Variants in ELAVL2 observed in about 807,000 individuals in gnomAD.
The protein encoded by ELAVL2 is ELAV-like protein 2.
In ELAVL2, 4 loss-of-function variants were observed where a neutral mutation model predicts 34.6. That is an observed-to-expected ratio of 0.12 (90% CI 0.06 to 0.26). ELAVL2 has a LOEUF of 0.26. Ranked by LOEUF, ELAVL2 falls within the 10% of genes least tolerant of loss-of-function variation. The pLI is 1.00. For missense variants in ELAVL2, 432 were observed against 442.8 expected (o/e 0.98, Z 0.22); for synonymous variants, 193 against 154.8 (o/e 1.25, Z -1.83).
At chr9:23,815,314 A>G (rs2063551303) in intron 1 of ELAVL2, among the ~76,000 whole-genome samples, 1 of 152,172 alleles carries the variant, frequency 6.6e-6, no homozygotes, top group Non-Finnish European at 1.5e-5. Flanking sequence ...TTTCAAGGAA[A>G]ATGCATTTTA....
At chr9:23,704,455 C>A in intron 4 of ELAVL2, among the ~76,000 whole-genome samples, 1 of 151,930 alleles carries the variant, frequency 6.6e-6, no homozygotes, top group East Asian at 1.9e-4. Flanking sequence ...TTACATATGC[C>A]CATACAGCAC....
At chr9:23,736,085 T>C (rs779930510) in intron 2 of ELAVL2, among the ~76,000 whole-genome samples, 2 of 152,194 alleles carry the variant, frequency 1.3e-5, no homozygotes, top group Admixed American at 6.5e-5. Flanking sequence ...ACCTGTTTCA[T>C]TCAAAGGTCA....
At chr9:23,786,478 GA>G (rs770268234) in intron 1 of ELAVL2, among the ~76,000 whole-genome samples, 17 of 151,854 alleles carry the variant, frequency 1.1e-4, no homozygotes, top group Non-Finnish European at 2.4e-4. Flanking sequence ...GAATAACAAT[GA>G]AACTTGAGGG....
intron 1 of ELAVL2, chr9:23,821,617 G>C (rs1486932997): frequency 6.6e-6 from 1 of 152,272 alleles, no homozygotes; most frequent in Non-Finnish European, 1.5e-5. Flanking sequence ...GCTGTGACTC[G>C]AAGCTGCAGC....
At chr9:23,770,465 TC>T (rs2057107144) in intron 1 of ELAVL2, among the ~76,000 whole-genome samples, 1 of 152,192 alleles carries the variant, frequency 6.6e-6, no homozygotes, top group South Asian at 2.1e-4. Context: ...AAGCTGCTAA[TC>T]AGCTCACCTT....
At chr9:23,697,915 T>C (rs1021597787) in intron 5 of ELAVL2, among the ~76,000 whole-genome samples, 1 of 152,018 alleles carries the variant, frequency 6.6e-6, no homozygotes, top group Non-Finnish European at 1.5e-5. Flanking sequence ...TTGGAAATTA[T>C]CTACAACAAG....
intron 1 of ELAVL2, among the ~76,000 whole-genome samples, chr9:23,776,739 CAAAAAAAAAAA>C (rs34583759): frequency 2.6e-5 from 2 of 77,714 alleles, no homozygotes; most frequent in Admixed American, 1.3e-4. Flanking sequence ...AGTTTGCTAT[CAAAAAAAAAAA>C]AAAAAAAAAA....
chr9:23,704,286 A>C (rs1471668482), intron 4 of ELAVL2, among the ~76,000 whole-genome samples: 1 of 152,132 alleles, frequency 6.6e-6, no homozygotes, highest in African/African-American at 2.4e-5. Context: ...TAAAATTCAT[A>C]ATCAAATCTA....
intron 3 of ELAVL2, among the ~76,000 whole-genome samples, chr9:23,706,746 T>TTG (rs1298314765): frequency 1.3e-5 from 2 of 152,174 alleles, no homozygotes; most frequent in African/African-American, 2.4e-5. Context: ...ACAACAAACT[T>TTG]TCCCAATTTA....
chr9:23,848,198 A>G, the ELAVL2 span, among the ~76,000 whole-genome samples: 1 of 152,162 alleles, frequency 6.6e-6, no homozygotes, highest in South Asian at 2.1e-4. Context: ...AAATCCTATG[A>G]TAGTTGAGTA....
In ELAVL2 at chr9:23,786,042, G is replaced by A. The variant is rs576545534; in HGVS notation, c.-15-23793C>T. Among the ~76,000 whole-genome samples the A allele has an allele frequency of 5.9e-5, 9 of 152,254 alleles. No homozygotes were observed. The East Asian group carries it at 1.4e-3, about 23-fold the overall frequency. On this transcript the variant is annotated intron_variant, in intron 1 of 6. Coordinates refer to ENST00000397312, the MANE Select transcript of ELAVL2 (RefSeq NM_004432.5). ...CATTCTATTTTGTACTCTGTCTCAA[G>A]CTAGCTGAACTTGAGAGACTTCTAA...
At chr9:23,696,784 G>A (rs1275874647) in intron 5 of ELAVL2, among the ~76,000 whole-genome samples, 4 of 152,058 alleles carry the variant, frequency 2.6e-5, no homozygotes, top group Non-Finnish European at 5.9e-5. Context: ...TTTATTTATG[G>A]TCATTTATAA....
chr9:23,780,050 A>T (rs991931763), intron 1 of ELAVL2, among the ~76,000 whole-genome samples: 1 of 140,556 alleles, frequency 7.1e-6, no homozygotes, highest in Non-Finnish European at 1.5e-5. Context: ...TGAACTTCCA[A>T]GTCCAATCTC....
At chr9:23,796,011 G>C (rs745689889) in intron 1 of ELAVL2, among the ~76,000 whole-genome samples, 1 of 152,126 alleles carries the variant, frequency 6.6e-6, no homozygotes, top group South Asian at 2.1e-4. Context: ...GGAATATTAT[G>C]AAAACGAAGT....
intron 5 of ELAVL2, 66 bp downstream of exon 5, chr9:23,701,313 T>A: frequency 6.5e-7 from 1 of 1,542,230 alleles, no homozygotes; most frequent in Non-Finnish European, 8.9e-7. Context: ...ATAAAAGTAC[T>A]GGACAGTAAA....
intron 1 of ELAVL2, among the ~76,000 whole-genome samples, chr9:23,782,946 G>A (rs1012892260): frequency 6.6e-6 from 1 of 152,086 alleles, no homozygotes; most frequent in Non-Finnish European, 1.5e-5. Flanking sequence ...TCCAATCCCA[G>A]CTTCCCATCT....
chr9:23,817,235 T>C (rs912289640), intron 1 of ELAVL2, among the ~76,000 whole-genome samples: 38 of 149,486 alleles, frequency 2.5e-4, no homozygotes, highest in African/African-American at 9.2e-4. Flanking sequence ...ACTAAGAAAC[T>C]GCAAGTTTAT....
intron 1 of ELAVL2, among the ~76,000 whole-genome samples, chr9:23,774,307 C>T (rs1218103024): frequency 1.3e-5 from 2 of 151,504 alleles, no homozygotes; most frequent in Non-Finnish European, 2.9e-5. Flanking sequence ...TTCTTCCCCC[C>T]ACATCTAAAT....
chr9:23,715,503 C>T (rs575364245), intron 3 of ELAVL2, among the ~76,000 whole-genome samples: 1 of 152,294 alleles, frequency 6.6e-6, no homozygotes, highest in South Asian at 2.1e-4. Flanking sequence ...GTGGCATTTG[C>T]CCAAATAACT....
Sources: gnomAD v4.1 joint callset for allele counts (sites outside exome capture counted in the v4.1 genomes callset) on GRCh38, gnomAD v4.1.1 for gene constraint, MANE v1.5 for transcripts, NCBI Gene and HGNC (gene_info 2026-07-23, HGNC 2026-07-21) for gene names.